The following ABCG8 variants were observed in gnomAD, a reference collection of about 807,000 sequenced individuals.
ABCG8 encodes the protein ATP binding cassette subfamily G member 8.
A neutral mutation model predicts 71.3 loss-of-function variants in ABCG8; 81 were observed. That is an observed-to-expected ratio of 1.14 (90% CI 0.95 to 1.37). The LOEUF (loss-of-function observed/expected upper bound fraction) is 1.37, where lower values mean the gene tolerates loss of function less well. ABCG8 is among the 40% of genes most tolerant of loss of function. The probability of loss-of-function intolerance (pLI) is 0.00; values close to 1 mark genes in which losing one functional copy is unlikely to be tolerated. For missense variants in ABCG8, 1,119 were observed against 866.2 expected (o/e 1.29, Z -3.66); for synonymous variants, 451 against 354.7 (o/e 1.27, Z -3.05).
chr2:43,849,021 T>TAAAAAAA (rs1193216137), intron 3 of ABCG8, among the ~76,000 whole-genome samples: 1 of 54,708 alleles, frequency 1.8e-5, no homozygotes, highest in African/African-American at 7.8e-5. Flanking sequence ...AAACACTGTC[T>TAAAAAAA]AAAAAAAAAA....
chr2:43,840,804 G>A (rs982907774), intron 1 of ABCG8, among the ~76,000 whole-genome samples: 11 of 152,038 alleles, frequency 7.2e-5, no homozygotes, highest in African/African-American at 1.2e-4. Flanking sequence ...ACTCCATGGG[G>A]CCCTCAACAC....
intron 3 of ABCG8, 30 bp downstream of exon 3, chr2:43,846,341 G>T: frequency 6.2e-7 from 1 of 1,613,986 alleles, no homozygotes; most frequent in Non-Finnish European, 8.5e-7. Context: ...CTGGGCAATG[G>T]TTTCTCTCCT....
At chr2:43,860,501 A>G (rs61532586) in intron 6 of ABCG8, among the ~76,000 whole-genome samples, 7,279 of 148,470 alleles carry the variant, frequency 0.049, 242 homozygotes, top group Middle Eastern at 0.081. Flanking sequence ...CTCACCCTCT[A>G]GATAGAACTC....
chr2:43,861,718 T>C lies in ABCG8; in HGVS notation c.964+8850T>C, dbSNP rs918746913. Reference sequence around the variant, plus strand: ...CTGGATAGAATTCTCACTCCCCAGATAGTGGACACTATGTCTCACTATCCG... The same window carrying C: ...CTGGATAGAATTCTCACTCCCCAGACAGTGGACACTATGTCTCACTATCCG... On this transcript the variant is annotated intron_variant, in intron 6 of 12. Transcript: ENST00000272286. Among the ~76,000 whole-genome samples, 3 of 151,046 alleles carry C rather than the reference T, an allele frequency of 2.0e-5. No homozygotes were observed. In the East Asian group the frequency reaches 5.8e-4, roughly 29 times the overall value.
Position 43,860,608 on chromosome 2 carries a change from T to C in ABCG8, c.964+7740T>C, listed in dbSNP as rs79208322. 4.9e-3 allele frequency among the ~76,000 whole-genome samples: 749 copies of C among 151,470 alleles called. 27 individuals carry two copies. The East Asian group carries it at 0.087, about 18-fold the overall frequency. On this transcript the variant is annotated intron_variant, in intron 6 of 12. Transcript: ENST00000272286. ...CTGCAGAGAACTCTCACTGTCTATC[T>C]CGATAAAACTCTCACTACCTATCTG...
Position 43,873,853 on chromosome 2 carries a change from G to A in ABCG8, c.1278G>A (p.Leu426=). The change falls in exon 9 of 13, where the codon CTG becomes CTA. Residue 426 remains leucine (L), a synonymous_variant. Transcript: ENST00000272286. ...TCATCCATGGGGCGGAGGCCTGTCT[G>A]ATGTCAATGACCATCGGCTTCCTCT... ...TLLIHGAEAC[L]MSMTIGFLYF... The A allele has an allele frequency of 6.2e-7, 1 of 1,614,092 alleles. No individual in the cohort carries two copies. The highest frequency in any genetic ancestry group is 8.5e-7 in the Non-Finnish European group (1 of 1,180,032).
At chr2:43,845,004 T>C (rs1176427279) in intron 2 of ABCG8, among the ~76,000 whole-genome samples, 1 of 151,694 alleles carries the variant, frequency 6.6e-6, no homozygotes, top group Non-Finnish European at 1.5e-5. Context: ...ATAGTATAAT[T>C]ATGAACACTA....
At chr2:43,875,959 T>C (rs1572869242) in intron 11 of ABCG8, among the ~76,000 whole-genome samples, 1 of 152,176 alleles carries the variant, frequency 6.6e-6, no homozygotes, top group South Asian at 2.1e-4. Flanking sequence ...GCCCAGCTAT[T>C]GTCTCTGGGA....
intron 6 of ABCG8, among the ~76,000 whole-genome samples, chr2:43,865,002 T>C (rs553771554): frequency 9.9e-5 from 15 of 151,432 alleles, no homozygotes; most frequent in Non-Finnish European, 2.2e-4. Context: ...CTGGATAGAA[T>C]TCTCACCCTC....
intron 6 of ABCG8, among the ~76,000 whole-genome samples, chr2:43,860,116 AT>A (rs1669255219): frequency 2.2e-5 from 3 of 136,030 alleles, no homozygotes; most frequent in African/African-American, 5.6e-5. Context: ...TAGAATTATC[AT>A]CCTCTGGATA....
chr2:43,869,916 A>G (rs187584324), intron 6 of ABCG8, among the ~76,000 whole-genome samples: 2 of 151,940 alleles, frequency 1.3e-5, no homozygotes, highest in African/African-American at 4.8e-5. Flanking sequence ...TCTGGATTGA[A>G]TTTTCACCAT....
At position 43,846,294 on chromosome 2, in the gene ABCG8, C is replaced by A; in HGVS notation, c.305C>A (p.Ala102Asp). 6.2e-7 allele frequency: 1 copy of A among 1,614,132 alleles called. No individual in the cohort carries two copies. Among genetic ancestry groups the A allele is most frequent in the Admixed American group, 1.7e-5 (1 of 60,016 alleles). Residue 102 changes from alanine (A) to aspartate (D), a missense_variant, in exon 3 of 13, where the codon GCC becomes GAC. Transcript: ENST00000272286. ...AAAGTGAGAAGTGGGCAGATGCTGG[C>A]CATCATAGGGAGCTCAGGTACCGGA... is the stretch of plus-strand genomic sequence containing the variant. ...SFKVRSGQML[A>D]IIGSSGCGRA...
intron 6 of ABCG8, among the ~76,000 whole-genome samples, chr2:43,866,145 T>C (rs1314046597): frequency 6.6e-5 from 10 of 151,934 alleles, no homozygotes; most frequent in Admixed American, 2.6e-4. Context: ...TAGCCATATG[T>C]AGAAAGCTGA....
rs1670167352 is a variant in ABCG8 at position 43,882,752 on chromosome 2, A to G, written c.*4839A>G. 6.6e-6 allele frequency: 1 copy of G among 152,248 alleles called. No individual in the cohort carries two copies. The highest frequency in any genetic ancestry group is 2.1e-4 in the South Asian group (1 of 4,834). 9.4% of individuals were successfully genotyped at this position (152,248 alleles called of 1,614,324 possible). ...AGCACAGCCCATTCTCTGCTGGTGC[A>G]CTAGGAACAGCAGCACGTGTGGTGT... On this transcript the variant is annotated 3_prime_UTR_variant, in exon 13 of 13. Transcript: ENST00000272286.
intron 6 of ABCG8, among the ~76,000 whole-genome samples, chr2:43,858,567 C>A (rs58245941): frequency 0.052 from 7,905 of 150,918 alleles, 253 homozygotes; most frequent in Middle Eastern, 0.11. Context: ...TCTGGATAGA[C>A]TACTCACCAT....
chr2:43,882,319 G>T lies in ABCG8; in HGVS notation c.*4406G>T, dbSNP rs1389586560. ...ACTAGCAACAGAAATGTTCAAATCT[G>T]TCAAATCCAAGTGTTAACAGACCTG... is the stretch of plus-strand genomic sequence containing the variant. On this transcript the variant is annotated 3_prime_UTR_variant, in exon 13 of 13. Transcript: ENST00000272286. 1 of 152,182 alleles carries T rather than the reference G, an allele frequency of 6.6e-6. No homozygotes were observed. Among genetic ancestry groups the T allele is most frequent in the African/African-American group, 2.4e-5 (1 of 41,432 alleles). 9.4% of individuals were successfully genotyped at this position (152,182 alleles called of 1,614,324 possible).
In ABCG8 at chr2:43,865,053, T is replaced by C. The variant is rs1669476038; in HGVS notation, c.965-6923T>C. 2.0e-5 allele frequency among the ~76,000 whole-genome samples: 3 copies of C among 151,934 alleles called. No homozygotes were observed. In the South Asian group the frequency reaches 6.2e-4, roughly 31 times the overall value. On this transcript the variant is annotated intron_variant, in intron 6 of 12. Coordinates refer to ENST00000272286, the MANE Select transcript of ABCG8 (RefSeq NM_022437.3). ...CTATCTGGATAGAATTCTCACTCTC[T>C]GGATAGAACTCCCACTATCTGTCTG...
At chr2:43,855,854 A>C (rs1475549402) in intron 6 of ABCG8, among the ~76,000 whole-genome samples, 2 of 152,096 alleles carry the variant, frequency 1.3e-5, no homozygotes, top group Non-Finnish European at 2.9e-5. Flanking sequence ...ATCTGGATAG[A>C]ATTCTCACTC....
chr2:43,840,528 C>T (rs1460324998), intron 1 of ABCG8, among the ~76,000 whole-genome samples: 1 of 152,252 alleles, frequency 6.6e-6, no homozygotes, highest in Middle Eastern at 3.4e-3. Context: ...ACGGTCTGCC[C>T]GTAACACCTG....
Sources: gnomAD v4.1 joint callset for allele counts (sites outside exome capture counted in the v4.1 genomes callset) on GRCh38, gnomAD v4.1.1 for gene constraint, MANE v1.5 for transcripts, NCBI Gene and HGNC (gene_info 2026-07-23, HGNC 2026-07-21) for gene names.